TRAIP: variants seen among roughly 807,000 people sequenced by gnomAD.
The protein encoded by TRAIP is TRAF interacting protein.
In TRAIP, 37 loss-of-function variants were observed where a neutral mutation model predicts 65.0. The observed-to-expected ratio is 0.57, with a 90% CI of 0.44 to 0.75. The LOEUF is 0.75. TRAIP is among the 30% of genes least tolerant of loss of function. The pLI is 0.00. For missense variants in TRAIP, 481 were observed against 579.4 expected (o/e 0.83, Z 1.74); for synonymous variants, 187 against 219.1 (o/e 0.85, Z 1.29).
chr3:49,850,970 CTT>C (rs1244136943), intron 1 of TRAIP, among the ~76,000 whole-genome samples: 20 of 141,922 alleles, frequency 1.4e-4, no homozygotes, highest in Non-Finnish European at 1.6e-4. Context: ...TTCCTGTTTT[CTT>C]TTTTTTTTTT....
chr3:49,856,299 C>A, intron 1 of TRAIP, 57 bp downstream of exon 1: 1 of 1,499,794 alleles, frequency 6.7e-7, no homozygotes, highest in South Asian at 1.1e-5. Context: ...CCCAACACCT[C>A]AAGGCCCTGA....
chr3:49,852,671 C>G (rs1243085847), intron 1 of TRAIP, among the ~76,000 whole-genome samples: 1 of 151,248 alleles, frequency 6.6e-6, no homozygotes, highest in Non-Finnish European at 1.5e-5. Flanking sequence ...AGGAGAATGG[C>G]GTGAACCCGG....
intron 4 of TRAIP, among the ~76,000 whole-genome samples, chr3:49,844,286 C>T (rs1317823511): frequency 1.3e-5 from 2 of 152,146 alleles, no homozygotes; most frequent in Non-Finnish European, 2.9e-5. Flanking sequence ...ATCAGGTAAC[C>T]CCCTCCCATC....
chr3:49,832,841 G>A (rs1464010741), intron 10 of TRAIP, among the ~76,000 whole-genome samples: 4 of 151,698 alleles, frequency 2.6e-5, no homozygotes, highest in Non-Finnish European at 4.4e-5. Flanking sequence ...GAATGGCAAG[G>A]GTAGCTCCAA....
In TRAIP at chr3:49,841,927, T is replaced by G. The variant is rs1174209380; in HGVS notation, c.516A>C (p.Leu172=). The G allele has an allele frequency of 1.2e-6, 2 of 1,613,864 alleles. No individual in the cohort carries two copies. The highest frequency in any genetic ancestry group is 1.7e-6 in the Non-Finnish European group (2 of 1,179,964). Residue 172 remains leucine (L), a synonymous_variant, in exon 7 of 15, where the codon CTA becomes CTC. Coordinates refer to ENST00000331456, the MANE Select transcript of TRAIP (RefSeq NM_005879.3). ...KMKTMEQIEL[L]LQSQRPEVEE... The stretch of plus-strand genomic sequence containing the variant: ...CCACCTCAGGGCGCTGGCTCTGGAG[T>G]AGAAGCTCAATCCTGAAAAATACAC...
In TRAIP at chr3:49,840,340, T is replaced by C. The variant is rs201478874; in HGVS notation, c.739A>G (p.Lys247Glu). The C allele has an allele frequency of 3.7e-6, 6 of 1,614,182 alleles. No individual in the cohort carries two copies. The highest frequency in any genetic ancestry group is 5.1e-6 in the Non-Finnish European group (6 of 1,180,006). ...TTCTGGGCTGACTTCAGTTCTAACT[T>C]GGCCTGATCCAATTCAGAGTAGACT... The part of the protein sequence containing the change: ...QTVYSELDQA[K>E]LELKSAQKDL... The change falls in exon 9 of 15, where the codon AAG becomes GAG. Residue 247 changes from lysine (K) to glutamate (E), a missense_variant. Physicochemically the swap from Lys to Glu is moderately conservative, Grantham distance 56. Transcript: ENST00000331456.
At chr3:49,830,116 G>A (rs2081719584) in intron 11 of TRAIP, 48 bp from the exon 12 acceptor site, 2 of 1,602,238 alleles carry the variant, frequency 1.2e-6, no homozygotes, top group Non-Finnish European at 1.7e-6. Flanking sequence ...AAGACATGGG[G>A]GCAGGTGAAC....
intron 10 of TRAIP, among the ~76,000 whole-genome samples, chr3:49,834,072 T>C (rs1245774597): frequency 2.6e-5 from 4 of 152,152 alleles, no homozygotes; most frequent in African/African-American, 9.7e-5. Context: ...GCTAAGGCCT[T>C]GAGCAGCCCA....
intron 1 of TRAIP, among the ~76,000 whole-genome samples, chr3:49,850,330 C>T (rs2081920063): frequency 6.6e-6 from 1 of 151,908 alleles, no homozygotes; most frequent in African/African-American, 2.4e-5. Context: ...GAAACCCCGT[C>T]TCTACTAAAA....
At chr3:49,831,519 G>A (rs1299861810) in intron 11 of TRAIP, among the ~76,000 whole-genome samples, 1 of 152,212 alleles carries the variant, frequency 6.6e-6, no homozygotes, top group African/African-American at 2.4e-5. Flanking sequence ...TGTGGTTTGA[G>A]ATGATCCTCC....
intron 10 of TRAIP, among the ~76,000 whole-genome samples, chr3:49,833,862 T>G (rs1373893726): frequency 6.6e-6 from 1 of 152,194 alleles, no homozygotes; most frequent in Non-Finnish European, 1.5e-5. Context: ...CTTTCTTTCC[T>G]TCCCACTTTC....
intron 8 of TRAIP, chr3:49,840,581 CTGTGGA>C: frequency 1.7e-6 from 1 of 580,206 alleles, no homozygotes; most frequent in Non-Finnish European, 3.1e-6. Flanking sequence ...ATCCTGCAGC[CTGTGGA>C]TGCACCATGC....
At chr3:49,850,862 G>T (rs1406546922) in intron 1 of TRAIP, among the ~76,000 whole-genome samples, 1 of 151,204 alleles carries the variant, frequency 6.6e-6, no homozygotes, top group African/African-American at 2.4e-5. Flanking sequence ...TCACCATGTT[G>T]GCCAGGCTGC....
At chr3:49,841,096 A>T in intron 7 of TRAIP, 24 bp from the exon 8 acceptor site, 1 of 1,608,366 alleles carries the variant, frequency 6.2e-7, no homozygotes, top group Non-Finnish European at 8.5e-7. Context: ...ATGGAAAGAG[A>T]TGCCAGAAAA....
chr3:49,831,995 A>G lies in TRAIP; in HGVS notation c.958T>C (p.Phe320Leu). 1 of 1,608,576 alleles carries G rather than the reference A, an allele frequency of 6.2e-7. No homozygotes were observed. Among genetic ancestry groups the G allele is most frequent in the Non-Finnish European group, 8.5e-7 (1 of 1,177,476 alleles). Residue 320 changes from phenylalanine (F) to leucine (L), a missense_variant, in exon 11 of 15, where the codon TTT (phenylalanine) becomes CTT (leucine). Transcript: ENST00000331456. ...FRDDIDLNAT[F>L]DVDTPPARPS... ...CGGGCTGGGGGAGTATCCACATCAAAGGTAGCATTGAGATCAATATCATCA... is the reference window on the plus strand; with the variant it reads ...CGGGCTGGGGGAGTATCCACATCAAGGGTAGCATTGAGATCAATATCATCA...
intron 1 of TRAIP, 27 bp downstream of exon 1, chr3:49,856,329 C>G (rs1426458033): frequency 2.5e-6 from 4 of 1,603,674 alleles, no homozygotes; most frequent in Non-Finnish European, 3.4e-6. Flanking sequence ...CGGGCAAACA[C>G]CGGGCCCCAA....
chr3:49,839,017 C>T (rs2081812856), intron 10 of TRAIP, among the ~76,000 whole-genome samples: 7 of 151,288 alleles, frequency 4.6e-5, no homozygotes, highest in East Asian at 2.0e-4. Flanking sequence ...GGTGAAACCC[C>T]GTCTCTACTA....
intron 10 of TRAIP, among the ~76,000 whole-genome samples, chr3:49,833,063 C>A (rs945434943): frequency 6.6e-6 from 1 of 152,182 alleles, no homozygotes; most frequent in Admixed American, 6.5e-5. Flanking sequence ...ATGAAGACTG[C>A]ACAAACCCAC....
At chr3:49,844,497 C>G in intron 4 of TRAIP, 44 bp downstream of exon 4, 1 of 1,610,194 alleles carries the variant, frequency 6.2e-7, no homozygotes, top group South Asian at 1.1e-5. Context: ...CTCCAGCATC[C>G]AAGTCAGGGG....
Sources: allele counts gnomAD v4.1 joint callset (sites outside exome capture counted in the v4.1 genomes callset), GRCh38; gene constraint gnomAD v4.1.1; transcripts MANE v1.5; gene names NCBI Gene and HGNC (gene_info 2026-07-23, HGNC 2026-07-21).